Variants in ANO3 observed in about 807,000 individuals in gnomAD.
ANO3 encodes anoctamin 3, also known as anoctamin-3.
Under a neutral mutation model 144.8 loss-of-function variants are expected in ANO3, and 99 were observed. The ratio of observed to expected loss-of-function variants is 0.68; its 90% CI spans 0.58 to 0.81. ANO3 has a LOEUF of 0.81. ANO3 is among the 30% of genes least tolerant of loss of function. ANO3 has a pLI of 0.00. For missense variants in ANO3, 905 were observed against 1,202.2 expected (o/e 0.75, Z 3.66); for synonymous variants, 414 against 392.6 (o/e 1.05, Z -0.64).
chr11:26,597,218 G>A (rs1479971220), intron 14 of ANO3, among the ~76,000 whole-genome samples: 1 of 152,158 alleles, frequency 6.6e-6, no homozygotes, highest in African/African-American at 2.4e-5. Context: ...GATGGGGCGG[G>A]CTGCTCCCAA....
rs777836944 is a variant in ANO3 at position 26,660,361 on chromosome 11, G to C, written c.2863G>C (p.Glu955Gln). ...ACGACGAGAGAAGTACTTAGTTCAA[G>C]AAATGATGTATGAGGCTGAACTGGA... ...RIRREKYLVQ[E>Q]MMYEAELEHL... Residue 955 changes from glutamate (E) to glutamine (Q), a missense_variant, in exon 27 of 27, where the codon GAA becomes CAA. Physicochemically the swap from Glu to Gln is conservative, Grantham distance 29. Coordinates refer to ENST00000256737, the MANE Select transcript of ANO3 (RefSeq NM_031418.4). The C allele has an allele frequency of 5.0e-6, 8 of 1,613,420 alleles. No homozygotes were observed. The highest frequency in any genetic ancestry group is 6.8e-6 in the Non-Finnish European group (8 of 1,179,624).
chr11:26,470,347 G>A (rs1313865103), intron 4 of ANO3, among the ~76,000 whole-genome samples: 1 of 151,398 alleles, frequency 6.6e-6, no homozygotes, highest in African/African-American at 2.4e-5. Flanking sequence ...GAGAGGTGGA[G>A]GCTACAGTGA....
At chr11:26,204,054 T>C (rs1251524882) in intron 1 of ANO3, among the ~76,000 whole-genome samples, 1 of 152,166 alleles carries the variant, frequency 6.6e-6, no homozygotes, top group Non-Finnish European at 1.5e-5. Context: ...AATCTGACCT[T>C]TGAGTGCCCA....
intron 1 of ANO3, among the ~76,000 whole-genome samples, chr11:26,435,619 G>T (rs1858266604): frequency 6.6e-6 from 1 of 151,930 alleles, no homozygotes; most frequent in African/African-American, 2.4e-5. Flanking sequence ...CTTTACTTTT[G>T]TCTGACTGTC....
intron 24 of ANO3, among the ~76,000 whole-genome samples, chr11:26,655,637 G>A (rs972716367): frequency 6.6e-6 from 1 of 151,988 alleles, no homozygotes; most frequent in East Asian, 1.9e-4. Flanking sequence ...AGCTACACAG[G>A]GATAGGGGTT....
chr11:26,205,280 G>T (rs1206224627), intron 1 of ANO3, among the ~76,000 whole-genome samples: 1 of 152,174 alleles, frequency 6.6e-6, no homozygotes, highest in Non-Finnish European at 1.5e-5. Flanking sequence ...GGAGAAGAGA[G>T]AAAATCCTCA....
chr11:26,218,312 C>A (rs774491309), intron 1 of ANO3, among the ~76,000 whole-genome samples: 3 of 151,762 alleles, frequency 2.0e-5, no homozygotes, highest in Non-Finnish European at 4.4e-5. Flanking sequence ...AGAAAATGTC[C>A]TTTTCCTGGA....
chr11:26,229,129 A>G (rs948812818), intron 1 of ANO3, among the ~76,000 whole-genome samples: 2 of 152,064 alleles, frequency 1.3e-5, no homozygotes, highest in African/African-American at 2.4e-5. Context: ...TTCAAGCTCT[A>G]CTATATTGGT....
intron 6 of ANO3, 28 bp downstream of exon 6, chr11:26,516,955 C>A: frequency 7.4e-7 from 1 of 1,355,810 alleles, no homozygotes; most frequent in Non-Finnish European, 1.0e-6. Flanking sequence ...TTTATTTTAT[C>A]TCAATATATA....
At chr11:26,448,990 A>G (rs1858814881) in intron 3 of ANO3, among the ~76,000 whole-genome samples, 1 of 152,170 alleles carries the variant, frequency 6.6e-6, no homozygotes, top group African/African-American at 2.4e-5. Flanking sequence ...TAAAAGGAAG[A>G]TTAAATCCCA....
chr11:26,658,827 TAC>T (rs917195287), intron 26 of ANO3, among the ~76,000 whole-genome samples: 3 of 152,188 alleles, frequency 2.0e-5, no homozygotes, highest in Non-Finnish European at 4.4e-5. Context: ...TACTTTGCAG[TAC>T]AGTCTCTTGG....
At chr11:26,293,129 T>C (rs920878677) in intron 1 of ANO3, among the ~76,000 whole-genome samples, 3 of 152,208 alleles carry the variant, frequency 2.0e-5, no homozygotes, top group African/African-American at 7.2e-5. Flanking sequence ...ATATATTTAA[T>C]ACCCATTTTA....
upstream of ANO3, among the ~76,000 whole-genome samples, chr11:26,308,959 G>T (rs1854445303): frequency 1.3e-5 from 2 of 152,098 alleles, no homozygotes; most frequent in South Asian, 4.1e-4. Context: ...GAAAAACTGA[G>T]GTCAGAGTTT....
At chr11:26,491,740 T>G (rs140637252) in intron 4 of ANO3, among the ~76,000 whole-genome samples, 7 of 152,354 alleles carry the variant, frequency 4.6e-5, no homozygotes, top group Non-Finnish European at 8.8e-5. Flanking sequence ...AGGAAATAGT[T>G]GAATTTTTAC....
intron 1 of ANO3, among the ~76,000 whole-genome samples, chr11:26,426,723 G>T (rs1355423242): frequency 2.0e-5 from 3 of 152,166 alleles, no homozygotes; most frequent in Non-Finnish European, 4.4e-5. Context: ...TGTAGTAATA[G>T]ACTAGAATGA....
rs1373576004 is a variant in ANO3 at position 26,656,373 on chromosome 11, C to T, written c.2658-3C>T. Reference sequence around the variant, plus strand: ...TCATTCTCTTTGTTTTTGTGGATTTCAGGTACAGAGACTACAGAGGCCCGC... The same window carrying T: ...TCATTCTCTTTGTTTTTGTGGATTTTAGGTACAGAGACTACAGAGGCCCGC... On this transcript the variant is annotated splice_polypyrimidine_tract_variant and splice_region_variant and intron_variant, in intron 25 of 26. Coordinates refer to ENST00000256737, the MANE Select transcript of ANO3 (RefSeq NM_031418.4). 10 of 1,582,104 alleles carry T rather than the reference C, an allele frequency of 6.3e-6. No homozygotes were observed. Among genetic ancestry groups the T allele is most frequent in the Middle Eastern group, 1.7e-4 (1 of 5,976 alleles).
rs1590203214 is a variant in ANO3 at position 26,225,516 on chromosome 11, A to T, written c.154+36186A>T. On this transcript the variant is annotated intron_variant, in intron 1 of 27. Transcript: ENST00000672621. ...TCATGCTCTCTACTAGCCTCTTCAT[A>T]TGACATCGATTTTGCAATAACTTTT... Among the ~76,000 whole-genome samples the T allele has an allele frequency of 2.0e-5, 3 of 151,962 alleles. No homozygotes were observed. In the East Asian group the frequency reaches 5.8e-4, roughly 29 times the overall value.
At chr11:26,458,269 TA>T (rs1201852613) in intron 3 of ANO3, among the ~76,000 whole-genome samples, 1 of 152,140 alleles carries the variant, frequency 6.6e-6, no homozygotes, top group African/African-American at 2.4e-5. Context: ...GATGGCAGAA[TA>T]ATTAGCTTCA....
intron 1 of ANO3, among the ~76,000 whole-genome samples, chr11:26,366,115 G>C (rs1476997992): frequency 6.6e-6 from 1 of 151,518 alleles, no homozygotes; most frequent in Non-Finnish European, 1.5e-5. Flanking sequence ...ATTTACATTA[G>C]GTATATCTCC....
Sources: gnomAD v4.1 joint callset for allele counts (sites outside exome capture counted in the v4.1 genomes callset) on GRCh38, gnomAD v4.1.1 for gene constraint, MANE v1.5 for transcripts, NCBI Gene and HGNC (gene_info 2026-07-23, HGNC 2026-07-21) for gene names.